Variants in HS2ST1 observed in about 807,000 individuals in gnomAD.
HS2ST1 encodes the protein heparan sulfate 2-O-sulfotransferase 1.
A neutral mutation model predicts 42.9 loss-of-function variants in HS2ST1; 18 were observed. That is an observed-to-expected ratio of 0.42 (90% CI 0.29 to 0.62). HS2ST1 has a LOEUF of 0.62. Ranked by LOEUF, HS2ST1 falls within the 20% of genes least tolerant of loss-of-function variation. The pLI is 0.21. For missense variants in HS2ST1, 334 were observed against 433.8 expected (o/e 0.77, Z 2.04); for synonymous variants, 146 against 152.9 (o/e 0.95, Z 0.33).
rs577941973 is a variant in HS2ST1, at chr1:86,981,135, A to G, written c.124+65975A>G. On this transcript the variant is annotated intron_variant, in intron 1 of 6. Transcript: ENST00000370550. Reference sequence around the variant, plus strand: ...ACTACCACTTTTTAACCATCAGATCATGTGAGAACTCACTATCACGAGAAC... The same window carrying G: ...ACTACCACTTTTTAACCATCAGATCGTGTGAGAACTCACTATCACGAGAAC... Among the ~76,000 whole-genome samples the G allele has an allele frequency of 2.0e-5, 3 of 152,258 alleles. No individual in the cohort carries two copies. The South Asian group carries it at 6.2e-4, about 32-fold the overall frequency.
At chr1:87,096,460 CTTTAAGTA>C (rs146535861) in intron 4 of HS2ST1, among the ~76,000 whole-genome samples, 3,750 of 152,268 alleles carry the variant, frequency 0.025, 51 homozygotes, top group South Asian at 0.058. Flanking sequence ...TCAGAAAAGT[CTTTAAGTA>C]TTGGGAGACT....
At chr1:87,098,056 T>C in intron 5 of HS2ST1, 121 bp downstream of exon 5, 1 of 1,480,266 alleles carries the variant, frequency 6.8e-7, no homozygotes, top group Admixed American at 2.4e-5. Flanking sequence ...AAATAACATG[T>C]AATTCAGTAA....
intron 1 of HS2ST1, among the ~76,000 whole-genome samples, chr1:87,000,450 A>G (rs1300878559): frequency 2.0e-5 from 3 of 152,230 alleles, no homozygotes; most frequent in African/African-American, 7.2e-5. Context: ...GTTTTAGTCT[A>G]AAGTCCAGAA....
chr1:87,071,734 A>G (rs1466472155), intron 1 of HS2ST1, among the ~76,000 whole-genome samples: 1 of 151,730 alleles, frequency 6.6e-6, no homozygotes, highest in East Asian at 1.9e-4. Flanking sequence ...TCTCCGAAAA[A>G]AAAAAAAAAA....
intron 2 of HS2ST1, among the ~76,000 whole-genome samples, chr1:87,077,699 A>G (rs1651580528): frequency 6.6e-6 from 1 of 152,226 alleles, no homozygotes; most frequent in South Asian, 2.1e-4. Context: ...TATGTTTAGA[A>G]TAGTGCCTGA....
At chr1:87,078,939 G>T (rs1651613382) in intron 2 of HS2ST1, among the ~76,000 whole-genome samples, 1 of 152,144 alleles carries the variant, frequency 6.6e-6, no homozygotes, top group Non-Finnish European at 1.5e-5. Context: ...TGAAAGAGTA[G>T]AGACCAGGAA....
At chr1:87,102,887 A>T (rs1652249683) in intron 5 of HS2ST1, among the ~76,000 whole-genome samples, 1 of 152,352 alleles carries the variant, frequency 6.6e-6, no homozygotes, top group Non-Finnish European at 1.5e-5. Context: ...CCAAAAGTAT[A>T]GTTTATTTTG....
At chr1:86,943,220 A>G (rs566563244) in intron 1 of HS2ST1, among the ~76,000 whole-genome samples, 1 of 152,204 alleles carries the variant, frequency 6.6e-6, no homozygotes, top group South Asian at 2.1e-4. Context: ...AAGTCTTAGT[A>G]TTACAAATAA....
intron 1 of HS2ST1, among the ~76,000 whole-genome samples, chr1:87,029,330 G>A (rs1055185992): frequency 2.0e-5 from 3 of 152,148 alleles, no homozygotes; most frequent in African/African-American, 7.2e-5. Context: ...TCTACACATG[G>A]TTTCTGTTAC....
intron 1 of HS2ST1, among the ~76,000 whole-genome samples, chr1:86,996,169 A>G (rs912951042): frequency 1.3e-5 from 2 of 152,084 alleles, no homozygotes; most frequent in African/African-American, 4.8e-5. Context: ...AAGGCCAGGT[A>G]CAGTGGCTCA....
At chr1:86,944,444 T>C (rs1025982569) in intron 1 of HS2ST1, among the ~76,000 whole-genome samples, 1 of 152,184 alleles carries the variant, frequency 6.6e-6, no homozygotes, top group Non-Finnish European at 1.5e-5. Context: ...AACCTCCCCC[T>C]TCTGGGTTCT....
chr1:86,993,214 C>A, intron 1 of HS2ST1: 1 of 1,481,216 alleles, frequency 6.8e-7, no homozygotes, highest in South Asian at 1.3e-5. Context: ...ATAAAAGGTA[C>A]AGTTTGTAAT....
At chr1:87,101,311 G>A (rs1231257218) in intron 5 of HS2ST1, among the ~76,000 whole-genome samples, 43 of 151,584 alleles carry the variant, frequency 2.8e-4, no homozygotes, top group South Asian at 1.7e-3. Flanking sequence ...GATTACAGGC[G>A]TGTGCCACCA....
chr1:87,030,203 T>C (rs1369525450), intron 1 of HS2ST1, among the ~76,000 whole-genome samples: 2 of 152,206 alleles, frequency 1.3e-5, no homozygotes, highest in Non-Finnish European at 2.9e-5. Context: ...GAAAAAGATA[T>C]ACAAGTTCAT....
intron 1 of HS2ST1, among the ~76,000 whole-genome samples, chr1:87,019,386 A>T (rs1649854497): frequency 6.6e-6 from 1 of 152,232 alleles, no homozygotes; most frequent in African/African-American, 2.4e-5. Flanking sequence ...AAACTATTAC[A>T]TGCAATGTCA....
chr1:87,012,230 C>G (rs1046250038), intron 1 of HS2ST1, among the ~76,000 whole-genome samples: 1 of 152,078 alleles, frequency 6.6e-6, no homozygotes, highest in African/African-American at 2.4e-5. Context: ...TGTTCTCACA[C>G]TGCTAATAAA....
intron 1 of HS2ST1, among the ~76,000 whole-genome samples, chr1:87,009,320 A>C (rs1341159690): frequency 6.6e-6 from 1 of 152,220 alleles, no homozygotes; most frequent in Non-Finnish European, 1.5e-5. Context: ...GAAGTAGGAA[A>C]GGTGAACAGG....
At chr1:87,064,522 GGTACCATATGCATCCCT>G in intron 1 of HS2ST1, 1 of 518,400 alleles carries the variant, frequency 1.9e-6, no homozygotes, top group South Asian at 1.4e-5. Context: ...AAGTTTTAAT[GGTACCATATGCATCCCT>G]GTTGACTATC....
intron 1 of HS2ST1, chr1:87,044,862 TAAC>T (rs1420204249): frequency 1.0e-6 from 1 of 985,404 alleles, no homozygotes; most frequent in East Asian, 2.6e-5. Flanking sequence ...ACAAAGGACA[TAAC>T]AAATAATCTG....
Sources: gnomAD v4.1 joint callset for allele counts (sites outside exome capture counted in the v4.1 genomes callset) on GRCh38, gnomAD v4.1.1 for gene constraint, MANE v1.5 for transcripts, NCBI Gene and HGNC (gene_info 2026-07-23, HGNC 2026-07-21) for gene names.